GABRG3: variants seen among roughly 807,000 people sequenced by gnomAD.
The protein encoded by GABRG3 is gamma-aminobutyric acid receptor subunit gamma-3.
In GABRG3, 25 loss-of-function variants were observed where a neutral mutation model predicts 48.8. That is an observed-to-expected ratio of 0.51 (90% CI 0.37 to 0.72). The LOEUF (loss-of-function observed/expected upper bound fraction) is 0.72, where lower values mean the gene tolerates loss of function less well. GABRG3 is among the 30% of genes least tolerant of loss of function. The pLI, the probability that GABRG3 is intolerant of heterozygous loss-of-function variation, is 0.00. For synonymous variants in GABRG3, 227 were observed against 217.6 expected (o/e 1.04, Z -0.38); for missense variants, 394 against 577.9 (o/e 0.68, Z 3.26).
intron 5 of GABRG3, among the ~76,000 whole-genome samples, chr15:27,432,506 G>A (rs1231500911): frequency 6.6e-6 from 1 of 152,148 alleles, no homozygotes; most frequent in African/African-American, 2.4e-5. Flanking sequence ...TGAGATGGCT[G>A]AGTGGATCCA....
intron 3 of GABRG3, among the ~76,000 whole-genome samples, chr15:27,094,440 C>T (rs1897240781): frequency 6.6e-6 from 1 of 152,196 alleles, no homozygotes; most frequent in Non-Finnish European, 1.5e-5. Context: ...CAGTGTCTCC[C>T]AGTCTCAGCC....
At chr15:27,475,064 A>G (rs1013638893) in intron 5 of GABRG3, among the ~76,000 whole-genome samples, 1 of 152,218 alleles carries the variant, frequency 6.6e-6, no homozygotes, top group South Asian at 2.1e-4. Flanking sequence ...TGGAAGGTGG[A>G]GGTTGCAGTG....
intron 3 of GABRG3, among the ~76,000 whole-genome samples, chr15:27,308,159 T>A (rs1340493527): frequency 1.1e-5 from 1 of 88,558 alleles, no homozygotes; most frequent in African/African-American, 4.1e-5. Flanking sequence ...CAAACATATA[T>A]AAACATATAT....
chr15:27,427,145 A>G (rs1888316944), intron 5 of GABRG3, among the ~76,000 whole-genome samples: 1 of 152,216 alleles, frequency 6.6e-6, no homozygotes, highest in Non-Finnish European at 1.5e-5. Context: ...TTATGCAACA[A>G]TATCATTTTA....
chr15:27,390,044 G>C (rs1365179781), intron 5 of GABRG3, among the ~76,000 whole-genome samples: 1 of 152,198 alleles, frequency 6.6e-6, no homozygotes, highest in East Asian at 1.9e-4. Context: ...CCAGTGTTAA[G>C]GGTATAAATT....
At chr15:27,482,760 AG>A (rs1566861373) in intron 6 of GABRG3, among the ~76,000 whole-genome samples, 1 of 152,208 alleles carries the variant, frequency 6.6e-6, no homozygotes, top group Non-Finnish European at 1.5e-5. Flanking sequence ...TAATTCTACT[AG>A]GGAACTTATC....
At chr15:27,015,214 C>T (rs1241092906) in intron 2 of GABRG3, among the ~76,000 whole-genome samples, 1 of 151,948 alleles carries the variant, frequency 6.6e-6, no homozygotes, top group Non-Finnish European at 1.5e-5. Context: ...TTTTAAAATC[C>T]ATTTAGTCAA....
intron 2 of GABRG3, among the ~76,000 whole-genome samples, chr15:26,984,195 T>G (rs1344203874): frequency 2.6e-5 from 4 of 152,166 alleles, no homozygotes; most frequent in African/African-American, 9.7e-5. Flanking sequence ...TTGTGTACTT[T>G]CCACATTGTA....
chr15:27,449,316 C>G (rs928403274), intron 5 of GABRG3, among the ~76,000 whole-genome samples: 15 of 152,196 alleles, frequency 9.9e-5, no homozygotes, highest in African/African-American at 3.6e-4. Flanking sequence ...CTCCTGACCT[C>G]TCTCAGGAAG....
intron 5 of GABRG3, among the ~76,000 whole-genome samples, chr15:27,362,137 TCCCA>T (rs1895045069): frequency 6.6e-6 from 1 of 152,214 alleles, no homozygotes; most frequent in African/African-American, 2.4e-5. Context: ...CTGGATGTTC[TCCCA>T]AGCTATTGAA....
At chr15:27,484,371 G>A (rs930801715) in intron 6 of GABRG3, among the ~76,000 whole-genome samples, 10 of 152,024 alleles carry the variant, frequency 6.6e-5, no homozygotes, top group Non-Finnish European at 8.8e-5. Context: ...AACCTGCAGC[G>A]AATTCAAGGA....
intron 3 of GABRG3, among the ~76,000 whole-genome samples, chr15:27,081,831 T>C (rs1896997944): frequency 6.6e-6 from 1 of 152,160 alleles, no homozygotes; most frequent in Non-Finnish European, 1.5e-5. Flanking sequence ...CCCGTATGGG[T>C]ATGACATCGA....
chr15:27,097,733 G>A (rs931316709), intron 3 of GABRG3, among the ~76,000 whole-genome samples: 5 of 152,038 alleles, frequency 3.3e-5, no homozygotes, highest in African/African-American at 7.2e-5. Context: ...GGCAGTGAGC[G>A]GGTCAAGGCC....
chr15:27,098,517 T>C (rs1897304108), intron 3 of GABRG3, among the ~76,000 whole-genome samples: 1 of 152,204 alleles, frequency 6.6e-6, no homozygotes, highest in Non-Finnish European at 1.5e-5. Flanking sequence ...TATCCTTTTT[T>C]TAAAGCCAAC....
intron 2 of GABRG3, among the ~76,000 whole-genome samples, chr15:27,020,706 C>A (rs968600411): frequency 6.6e-6 from 1 of 152,134 alleles, no homozygotes; most frequent in Non-Finnish European, 1.5e-5. Flanking sequence ...CTTGAGCCAC[C>A]GCGCCCGGCC....
chr15:27,103,400 C>T (rs1264114297), intron 3 of GABRG3, among the ~76,000 whole-genome samples: 1 of 152,146 alleles, frequency 6.6e-6, no homozygotes, highest in East Asian at 1.9e-4. Flanking sequence ...ATCCCCACAG[C>T]AGGTTCACCC....
At chr15:27,424,050 C>T (rs189313635) in intron 5 of GABRG3, among the ~76,000 whole-genome samples, 140 of 152,098 alleles carry the variant, frequency 9.2e-4, no homozygotes, top group African/African-American at 2.7e-3. Context: ...GTTAACTTTG[C>T]CCAAAGAAAG....
intron 5 of GABRG3, among the ~76,000 whole-genome samples, chr15:27,429,793 C>T (rs975087398): frequency 1.3e-5 from 2 of 152,204 alleles, no homozygotes; most frequent in Admixed American, 1.3e-4. Flanking sequence ...GGATATACCA[C>T]AATGTGATTA....
chr15:27,456,481 G>A (rs181806886), intron 5 of GABRG3, among the ~76,000 whole-genome samples: 96 of 152,300 alleles, frequency 6.3e-4, no homozygotes, highest in African/African-American at 2.1e-3. Context: ...GGCCCCCCCG[G>A]GAAGGACCCG....
Sources: gnomAD v4.1 joint callset for allele counts (sites outside exome capture counted in the v4.1 genomes callset) on GRCh38, gnomAD v4.1.1 for gene constraint, MANE v1.5 for transcripts, NCBI Gene and HGNC (gene_info 2026-07-23, HGNC 2026-07-21) for gene names.